TTYH1: variants seen among roughly 807,000 people sequenced by gnomAD.
TTYH1 encodes tweety family member 1, also known as protein tweety homolog 1.
Under a neutral mutation model 61.2 loss-of-function variants are expected in TTYH1, and 33 were observed. That is an observed-to-expected ratio of 0.54 (90% CI 0.41 to 0.72). TTYH1 has a LOEUF of 0.72. Ranked by LOEUF, TTYH1 falls within the 30% of genes least tolerant of loss-of-function variation. TTYH1 has a pLI of 0.00. For synonymous variants in TTYH1, 308 were observed against 266.4 expected, an observed-to-expected ratio of 1.16 and a Z score of -1.52; for missense variants, 538 against 575.8, an observed-to-expected ratio of 0.93 and a Z score of 0.67.
At chr19:54,424,780 G>A (rs530996883) in intron 4 of TTYH1, among the ~76,000 whole-genome samples, 57 of 152,340 alleles carry the variant, frequency 3.7e-4, no homozygotes, top group East Asian at 9.6e-4. Flanking sequence ...GAGGCTGGGC[G>A]GAAGCAGCCA....
chr19:54,435,682 C>G lies in TTYH1; in HGVS notation c.1266C>G (p.Pro422=). 6.2e-7 allele frequency: 1 copy of G among 1,609,212 alleles called. No homozygotes were observed. The highest frequency in any genetic ancestry group is 1.1e-5 in the South Asian group (1 of 90,714). ...CCCGAGCCTGGGCCCTCTTCCCACCCAGGTCAGGAGCGGGGGAGGGTAGGG... is the reference window on the plus strand; with the variant it reads ...CCCGAGCCTGGGCCCTCTTCCCACCGAGGTCAGGAGCGGGGGAGGGTAGGG... ...SLPRAWALFP[P]SDDYDDTDDD... Residue 422 remains proline, a splice_region_variant and synonymous_variant, in exon 11 of 14, where the codon CCC becomes CCG. Transcript: ENST00000376530.
chr19:54,430,924 C>G lies in TTYH1; in HGVS notation c.1032+19C>G. 6.2e-7 allele frequency: 1 copy of G among 1,609,444 alleles called. No homozygotes were observed. Among genetic ancestry groups the G allele is most frequent in the Non-Finnish European group, 8.5e-7 (1 of 1,178,692 alleles). ...AGCGCAGGTCGGTGGGTGGGCGCTC[C>G]CCAGACACGCGGACCCCACGGGGAA... On this transcript the variant is annotated intron_variant, in intron 9 of 13. Coordinates refer to ENST00000376530, the MANE Select transcript of TTYH1 (RefSeq NM_020659.4).
At chr19:54,422,997 C>T (rs1166256930) in intron 4 of TTYH1, among the ~76,000 whole-genome samples, 1 of 151,256 alleles carries the variant, frequency 6.6e-6, no homozygotes, top group Non-Finnish European at 1.5e-5. Context: ...CACCAGACCC[C>T]ATGGCCATCC....
chr19:54,427,128 C>T (rs1412934548), intron 5 of TTYH1, among the ~76,000 whole-genome samples: 1 of 151,334 alleles, frequency 6.6e-6, no homozygotes, highest in Non-Finnish European at 1.5e-5. Context: ...GAAACCCTGT[C>T]TCTATTAAAA....
At chr19:54,423,154 C>T (rs941181691) in intron 4 of TTYH1, among the ~76,000 whole-genome samples, 1 of 149,650 alleles carries the variant, frequency 6.7e-6, no homozygotes, top group Non-Finnish European at 1.5e-5. Context: ...GCAGGCCACT[C>T]ACTCAGTCGT....
intron 10 of TTYH1, chr19:54,432,771 T>G (rs1414149493): frequency 6.6e-6 from 1 of 152,134 alleles, no homozygotes; most frequent in Admixed American, 6.5e-5. Flanking sequence ...ATACTTATAC[T>G]AGAAAATTAT....
At position 54,420,337 on chromosome 19, in the gene TTYH1, G is replaced by A. The variant is rs996644759; in HGVS notation, c.306-940G>A. Among the ~76,000 whole-genome samples the A allele has an allele frequency of 2.6e-5, 4 of 152,294 alleles. No homozygotes were observed. Among genetic ancestry groups the A allele is most frequent in the East Asian group, 3.9e-4 (2 of 5,180 alleles). ...ACGCTTCCTCCTCCGGCTCTCTGGC[G>A]TGGGGGGAGACAGGGGAGGTGGACA... On this transcript the variant is annotated intron_variant, in intron 2 of 13. Coordinates refer to ENST00000376530, the MANE Select transcript of TTYH1 (RefSeq NM_020659.4). The surrounding 1 kb of genome is among the most constrained non-coding windows in gnomAD (Gnocchi z 4.8).
At chr19:54,426,601 T>C (rs1266529498) in intron 4 of TTYH1, 72 bp from the exon 5 acceptor site, 4 of 1,185,422 alleles carry the variant, frequency 3.4e-6, no homozygotes, top group Non-Finnish European at 5.0e-6. Flanking sequence ...TGAATGCTGG[T>C]GGAGGGTTGC....
chr19:54,421,493 G>C lies in TTYH1; in HGVS notation c.417+105G>C. ...TCAGAGCTAAGACCCCAGGCTTGAA[G>C]CTTAGGAACCCAGATTCAGAACTTC... On this transcript the variant is annotated intron_variant, in intron 3 of 13. Transcript: ENST00000376530. This position sits in a 1 kb window ranked among gnomAD's most constrained non-coding sequence, Gnocchi z 4.8. 1.3e-6 allele frequency: 1 copy of C among 790,628 alleles called. No homozygotes were observed. The highest frequency in any genetic ancestry group is 2.2e-6 in the Non-Finnish European group (1 of 455,678). The allele number at this position is 790,628 out of a possible 1,614,324, so 49.0% of individuals were successfully genotyped here. A position where few individuals can be genotyped will look rare whatever the true frequency, so the allele number is the denominator to read the frequency against.
At chr19:54,430,767 G>C in intron 8 of TTYH1, 46 bp from the exon 9 acceptor site, 2 of 1,597,462 alleles carry the variant, frequency 1.3e-6, no homozygotes, top group Non-Finnish European at 1.7e-6. Flanking sequence ...AGAGGGCCGG[G>C]GGCGTATACT....
intron 4 of TTYH1, among the ~76,000 whole-genome samples, chr19:54,423,313 G>A (rs369630536): frequency 9.3e-5 from 14 of 150,720 alleles, no homozygotes; most frequent in African/African-American, 3.4e-4. Context: ...TTCTCCTGCC[G>A]CAGCCTCCCA....
intron 1 of TTYH1, chr19:54,418,445 T>G (rs2083134979): frequency 1.3e-5 from 2 of 152,698 alleles, no homozygotes; most frequent in Admixed American, 6.6e-5. Context: ...CTTATCTTTG[T>G]CTCTTTTTTT....
rs1353571519 is a variant in TTYH1, at chr19:54,422,301, CGGCAGGCGGAGGCTGCGGCCCAGCAG to C, written c.530_555del (p.Arg177ProfsTer19). 1 of 1,565,110 alleles carries C rather than the reference CGGCAGGCGGAGGCTGCGGCCCAGCAG, an allele frequency of 6.4e-7. No individual in the cohort carries two copies. Among genetic ancestry groups the C allele is most frequent in the African/African-American group, 1.3e-5 (1 of 74,108 alleles). ...GGTGGCTGCCGCCCGAGGGGCTCGA[CGGCAGGCGGAGGCTGCGGCCCAGCAG>C]CTGCAGGGGCTGGCCTTCTGGCAGG... On this transcript the variant is annotated frameshift_variant, in exon 4 of 14. Transcript: ENST00000376530. LOFTEE classifies it high-confidence loss of function.
In TTYH1 at chr19:54,422,184, C is replaced by A; in HGVS notation, c.418-6C>A. 6.4e-7 allele frequency: 1 copy of A among 1,555,106 alleles called. No homozygotes were observed. The highest frequency in any genetic ancestry group is 8.7e-7 in the Non-Finnish European group (1 of 1,149,298). ...TTCCAGACCTCAGCCCCTGTCCTAT[C>A]CCCAGGTGTTGGAGACGGTGGAGAG... On this transcript the variant is annotated splice_region_variant and splice_polypyrimidine_tract_variant and intron_variant, in intron 3 of 13. Coordinates refer to ENST00000376530, the MANE Select transcript of TTYH1 (RefSeq NM_020659.4).
Position 54,422,215 on chromosome 19 carries a change from G to A in TTYH1, c.443G>A (p.Gly148Asp). ...HLVLETVERLGEAVRTELTTL... is the reference protein window; with the variant it reads ...HLVLETVERLDEAVRTELTTL... Reference sequence around the variant, plus strand: ...GTGTTGGAGACGGTGGAGAGGCTGGGCGAGGCGGTGAGGACAGAGCTGACC... The same window carrying A: ...GTGTTGGAGACGGTGGAGAGGCTGGACGAGGCGGTGAGGACAGAGCTGACC... Residue 148 changes from glycine to aspartate, a missense_variant, in exon 4 of 14, where the codon GGC becomes GAC. By Grantham distance (94) the Gly-to-Asp change is moderately conservative. Around this residue, in one of 3 missense-constraint regions of TTYH1, gnomAD observed 378 missense variants for 401.2 expected, o/e 0.94. Transcript: ENST00000376530. 1.3e-6 allele frequency: 2 copies of A among 1,564,444 alleles called. No homozygotes were observed. Among genetic ancestry groups the A allele is most frequent in the Non-Finnish European group, 1.7e-6 (2 of 1,155,070 alleles).
At position 54,419,174 on chromosome 19, in the gene TTYH1, G is replaced by A; in HGVS notation, c.173G>A (p.Ser58Asn). ...AALAGLGLGLSLIFIAVYLIR... is the reference protein window; with the variant it reads ...AALAGLGLGLNLIFIAVYLIR... ...TTGGCGGGCCTGGGCTTGGGCCTGAGCCTCATTTTCATCGCTGTCTACCTC... is the reference window on the plus strand; with the variant it reads ...TTGGCGGGCCTGGGCTTGGGCCTGAACCTCATTTTCATCGCTGTCTACCTC... The change falls in exon 2 of 14, where the codon AGC (serine) becomes AAC (asparagine). Residue 58 changes from serine to asparagine, a missense_variant. Around this residue, in one of 3 missense-constraint regions of TTYH1, gnomAD observed 157 missense variants for 157.0 expected, o/e 1.00. Coordinates refer to ENST00000376530, the MANE Select transcript of TTYH1 (RefSeq NM_020659.4). The surrounding 1 kb of genome is among the most constrained non-coding windows in gnomAD (Gnocchi z 6.1). The A allele has an allele frequency of 6.2e-7, 1 of 1,613,308 alleles. No homozygotes were observed. The highest frequency in any genetic ancestry group is 1.3e-5 in the African/African-American group (1 of 75,066).
In TTYH1 at chr19:54,436,155, C is replaced by G; in HGVS notation, c.*26C>G. 6.2e-7 allele frequency: 1 copy of G among 1,614,094 alleles called. No individual in the cohort carries two copies. Among genetic ancestry groups the G allele is most frequent in the South Asian group, 1.1e-5 (1 of 91,090 alleles). On this transcript the variant is annotated 3_prime_UTR_variant, in exon 13 of 14. Transcript: ENST00000376530. This position sits in a 1 kb window ranked among gnomAD's most constrained non-coding sequence, Gnocchi z 4.3. The stretch of plus-strand genomic sequence containing the variant: ...GCCCCTCCTCCCGGCTGGACTGGAG[C>G]CTGGCTCCCCTCTTCGGTGAGCTTC...
Position 54,429,459 on chromosome 19 carries a change from G to T in TTYH1, c.807+80G>T. On this transcript the variant is annotated intron_variant, in intron 6 of 13. Transcript: ENST00000376530. This position sits in a 1 kb window ranked among gnomAD's most constrained non-coding sequence, Gnocchi z 5.1. The stretch of plus-strand genomic sequence containing the variant: ...CAACTTCTGGATCTCGGGATGGCAT[G>T]GCTTAGTAGAGAAAGGAATTGGGGG... The T allele has an allele frequency of 7.4e-7, 1 of 1,345,824 alleles. No individual in the cohort carries two copies. Among genetic ancestry groups the T allele is most frequent in the Non-Finnish European group, 1.1e-6 (1 of 946,622 alleles). The allele number at this position is 1,345,824 out of a possible 1,614,324, so 83.4% of individuals were successfully genotyped here. A position where few individuals can be genotyped will look rare whatever the true frequency, so the allele number is the denominator to read the frequency against.
chr19:54,431,197 GCCCCT>G lies in TTYH1; in HGVS notation c.1125+15_1125+19del, dbSNP rs1569265882. The G allele has an allele frequency of 6.2e-7, 1 of 1,609,440 alleles. No individual in the cohort carries two copies. The highest frequency in any genetic ancestry group is 1.7e-5 in the Admixed American group (1 of 59,982). On this transcript the variant is annotated splice_region_variant and intron_variant, in intron 10 of 13. Coordinates refer to ENST00000376530, the MANE Select transcript of TTYH1 (RefSeq NM_020659.4). ...ACTGCCGCAGCCTGCACAAGGTGAA[GCCCCT>G]CCCCTCCCAATTTCTTCTCCCACGG...
Sources: allele counts gnomAD v4.1 joint callset (sites outside exome capture counted in the v4.1 genomes callset), GRCh38; gene constraint gnomAD v4.1.1; regional missense constraint gnomAD v4.1.1; non-coding constraint Gnocchi (gnomAD v3.1); transcripts MANE v1.5; gene names NCBI Gene and HGNC (gene_info 2026-07-23, HGNC 2026-07-21).